CTNNA2: variants seen among roughly 807,000 people sequenced by gnomAD.
The protein encoded by CTNNA2 is catenin alpha 2.
In CTNNA2, 42 loss-of-function variants were observed where a neutral mutation model predicts 101.0. The ratio of observed to expected loss-of-function variants is 0.42; its 90% CI spans 0.32 to 0.54. CTNNA2 has a LOEUF of 0.54. Among genes scored for constraint, CTNNA2 ranks in the 20% least tolerant of loss-of-function variants. The pLI is 0.14. For missense variants in CTNNA2, 871 were observed against 1,223.1 expected (o/e 0.71, Z 4.29); for synonymous variants, 450 against 456.4 (o/e 0.99, Z 0.18).
At chr2:80,622,383 G>T (rs1313449086) in intron 18 of CTNNA2, among the ~76,000 whole-genome samples, 1 of 151,858 alleles carries the variant, frequency 6.6e-6, no homozygotes, top group African/African-American at 2.4e-5. Flanking sequence ...TCATCATTTG[G>T]GGGTATCATT....
intron 2 of CTNNA2, among the ~76,000 whole-genome samples, chr2:79,294,241 G>GAA (rs397973299): frequency 0.26 from 33,794 of 132,112 alleles, 4,202 homozygotes; most frequent in Middle Eastern, 0.38. Context: ...AAGAAGAAGA[G>GAA]GAGGAGGAGG....
At chr2:80,572,867 T>G (rs573949764) in intron 12 of CTNNA2, 32 of 152,314 alleles carry the variant, frequency 2.1e-4, no homozygotes, top group African/African-American at 7.7e-4. Context: ...GTTTCGGTAA[T>G]TTCTACTAAA....
At chr2:79,433,624 GAAA>G (rs200656588) in intron 4 of CTNNA2, among the ~76,000 whole-genome samples, 1,566 of 95,708 alleles carry the variant, frequency 0.016, 40 homozygotes, top group East Asian at 0.14. Context: ...TGCCTTTGAG[GAAA>G]AAAAAAAAAA....
chr2:79,687,779 G>A (rs1040001335), intron 2 of CTNNA2: 12 of 469,482 alleles, frequency 2.6e-5, no homozygotes, highest in Middle Eastern at 5.6e-4. Context: ...GAAGATGTTC[G>A]GCTTGAAATA....
chr2:80,173,860 G>A (rs1359317825), intron 7 of CTNNA2, among the ~76,000 whole-genome samples: 2 of 152,126 alleles, frequency 1.3e-5, no homozygotes, highest in East Asian at 3.9e-4. Context: ...TATACCACTA[G>A]TAGCCTGCAA....
chr2:80,559,501 T>G (rs768106835), intron 12 of CTNNA2, among the ~76,000 whole-genome samples: 2 of 152,214 alleles, frequency 1.3e-5, no homozygotes, highest in Non-Finnish European at 2.9e-5. Flanking sequence ...TTATTTTCTT[T>G]CCTTAGTAAA....
At chr2:79,206,033 TA>T (rs1454555723) in intron 2 of CTNNA2, among the ~76,000 whole-genome samples, 1 of 152,182 alleles carries the variant, frequency 6.6e-6, no homozygotes, top group South Asian at 2.1e-4. Flanking sequence ...ATCCCCTTTT[TA>T]AAACAGTCAT....
At chr2:80,098,447 G>C (rs887233797) in intron 7 of CTNNA2, among the ~76,000 whole-genome samples, 1 of 152,180 alleles carries the variant, frequency 6.6e-6, no homozygotes, top group Admixed American at 6.5e-5. Context: ...TAGGCTACTC[G>C]GGGATCAGGG....
At chr2:79,760,656 T>C (rs1395306570) in intron 3 of CTNNA2, among the ~76,000 whole-genome samples, 1 of 152,256 alleles carries the variant, frequency 6.6e-6, no homozygotes, top group Non-Finnish European at 1.5e-5. Context: ...TACTGGTTAC[T>C]AATGCCTGAC....
intron 3 of CTNNA2, among the ~76,000 whole-genome samples, chr2:79,791,355 C>CT (rs1675256626): frequency 6.6e-6 from 1 of 152,066 alleles, no homozygotes; most frequent in Non-Finnish European, 1.5e-5. Context: ...TCAACCGATC[C>CT]TTTTTACCTC....
chr2:79,763,881 G>T (rs540413221), intron 3 of CTNNA2, among the ~76,000 whole-genome samples: 1 of 152,206 alleles, frequency 6.6e-6, no homozygotes, highest in Non-Finnish European at 1.5e-5. Flanking sequence ...TGTTTAATAC[G>T]AAGTTATCAA....
intron 1 of CTNNA2, among the ~76,000 whole-genome samples, chr2:79,611,080 A>G (rs1436124915): frequency 6.6e-6 from 1 of 152,176 alleles, no homozygotes; most frequent in Non-Finnish European, 1.5e-5. Flanking sequence ...TAGTATGTAT[A>G]CCTAATGAAT....
intron 4 of CTNNA2, among the ~76,000 whole-genome samples, chr2:79,407,472 C>T (rs1678352442): frequency 6.6e-6 from 1 of 151,920 alleles, no homozygotes; most frequent in East Asian, 1.9e-4. Context: ...TGCAACTTCA[C>T]ACACATGTAC....
intron 2 of CTNNA2, among the ~76,000 whole-genome samples, chr2:79,247,157 A>C (rs1345149553): frequency 1.3e-5 from 2 of 152,078 alleles, no homozygotes; most frequent in African/African-American, 4.8e-5. Context: ...GAGTCGTAAG[A>C]CCCCAGTGTG....
At chr2:79,690,645 C>T (rs763817749) in intron 2 of CTNNA2, among the ~76,000 whole-genome samples, 25 of 151,758 alleles carry the variant, frequency 1.6e-4, no homozygotes, top group East Asian at 5.8e-4. Context: ...ATGTATTATT[C>T]GCCCCATTTT....
chr2:80,080,782 A>G lies in CTNNA2; in HGVS notation c.1056+170985A>G, dbSNP rs182207984. ...TTTTAAAAGCAAGAACTAAATTTCA[A>G]CACTGAAGACAAGTCAGACACAAAC... is the stretch of plus-strand genomic sequence containing the variant. On this transcript the variant is annotated intron_variant, in intron 7 of 18. Transcript: ENST00000402739. Among the ~76,000 whole-genome samples the G allele has an allele frequency of 3.6e-3, 544 of 152,230 alleles. 1 individual carries two copies. Among genetic ancestry groups the G allele is most frequent in the Non-Finnish European group, 6.3e-3 (427 of 68,012 alleles).
At chr2:80,617,226 G>T (rs192728174) in intron 17 of CTNNA2, among the ~76,000 whole-genome samples, 10 of 151,688 alleles carry the variant, frequency 6.6e-5, no homozygotes, top group African/African-American at 2.2e-4. Flanking sequence ...GAGAAATTGT[G>T]CTAAGTGACT....
chr2:79,447,231 AC>A (rs1558668755), intron 4 of CTNNA2, among the ~76,000 whole-genome samples: 1 of 151,964 alleles, frequency 6.6e-6, no homozygotes, highest in Non-Finnish European at 1.5e-5. Context: ...AAAATGCTGT[AC>A]TACCTAATCT....
At chr2:80,474,566 T>C (rs572827936) in intron 9 of CTNNA2, among the ~76,000 whole-genome samples, 7 of 152,280 alleles carry the variant, frequency 4.6e-5, no homozygotes, top group Admixed American at 3.3e-4. Context: ...CATACCTACA[T>C]TTTCCTACCA....
Sources: allele counts gnomAD v4.1 joint callset (sites outside exome capture counted in the v4.1 genomes callset), GRCh38; gene constraint gnomAD v4.1.1; transcripts MANE v1.5; gene names NCBI Gene and HGNC (gene_info 2026-07-23, HGNC 2026-07-21).